The following SLC14A2 variants were observed in gnomAD, a reference collection of about 807,000 sequenced individuals.
SLC14A2 encodes urea transporter 2.
SLC14A2 carries 91 observed loss-of-function variants against 104.6 expected under a neutral mutation model. That is an observed-to-expected ratio of 0.87 (90% CI 0.73 to 1.04). The LOEUF (loss-of-function observed/expected upper bound fraction) is 1.04. Among genes scored for constraint, SLC14A2 ranks in the 50% least tolerant of loss-of-function variants. The pLI is 0.00. For synonymous variants in SLC14A2, 476 were observed against 466.4 expected, an observed-to-expected ratio of 1.02 and a Z score of -0.27; for missense variants, 1,189 against 1,156.0, an observed-to-expected ratio of 1.03 and a Z score of -0.41.
intron 1 of SLC14A2, among the ~76,000 whole-genome samples, chr18:45,265,201 G>T (rs540675161): frequency 6.6e-6 from 1 of 152,146 alleles, no homozygotes; most frequent in Non-Finnish European, 1.5e-5. Context: ...TCAGAGTAAG[G>T]CTATGACAAT....
intron 1 of SLC14A2, among the ~76,000 whole-genome samples, chr18:45,474,263 G>T (rs900462288): frequency 5.3e-5 from 8 of 152,176 alleles, no homozygotes; most frequent in African/African-American, 1.9e-4. Flanking sequence ...TTGATGTGCT[G>T]CTGGATTTGG....
Position 45,644,684 on chromosome 18 carries a change from T to C in SLC14A2, c.1351+524T>C, listed in dbSNP as rs540118155. Among the ~76,000 whole-genome samples the C allele has an allele frequency of 4.6e-5, 7 of 152,090 alleles. No individual in the cohort carries two copies. The East Asian group carries it at 5.8e-4, about 13-fold the overall frequency. On this transcript the variant is annotated intron_variant, in intron 10 of 19. Transcript: ENST00000255226. Reference sequence around the variant, plus strand: ...GATTTTAAAGTCAAAACAGGGACGATTGGGGCAGGGAATTATCTAAATAAG... The same window carrying C: ...GATTTTAAAGTCAAAACAGGGACGACTGGGGCAGGGAATTATCTAAATAAG...
chr18:45,675,700 T>TCTATATATATATCTATATATATATATAG, intron 18 of SLC14A2, among the ~76,000 whole-genome samples: 1 of 64,076 alleles, frequency 1.6e-5, no homozygotes, highest in African/African-American at 5.9e-5. Context: ...TATATATATA[T>TCTATATATATATCTATATATATATATAG]ATATATATAT....
intron 1 of SLC14A2, among the ~76,000 whole-genome samples, chr18:45,385,268 C>T (rs2085882688): frequency 6.6e-6 from 1 of 152,200 alleles, no homozygotes; most frequent in Non-Finnish European, 1.5e-5. Context: ...CTACCAAATT[C>T]CCTGCAGGTT....
chr18:45,490,358 T>C (rs1568237355), intron 2 of SLC14A2, among the ~76,000 whole-genome samples: 1 of 152,160 alleles, frequency 6.6e-6, no homozygotes, highest in Admixed American at 6.5e-5. Flanking sequence ...GGGGAAGGAA[T>C]AGACTGTTTG....
At chr18:45,264,747 T>A (rs924865812) in intron 1 of SLC14A2, among the ~76,000 whole-genome samples, 2 of 152,108 alleles carry the variant, frequency 1.3e-5, no homozygotes, top group Non-Finnish European at 2.9e-5. Context: ...ATGATTCAAT[T>A]ATCTCCCACG....
chr18:45,679,889 G>A (rs1226189233), intron 19 of SLC14A2, among the ~76,000 whole-genome samples: 5 of 152,278 alleles, frequency 3.3e-5, no homozygotes, highest in South Asian at 2.1e-4. Context: ...ACTTGATGTC[G>A]TACAGTTTTG....
chr18:45,277,539 G>T (rs1396158369), intron 1 of SLC14A2, among the ~76,000 whole-genome samples: 2 of 152,108 alleles, frequency 1.3e-5, no homozygotes, highest in African/African-American at 2.4e-5. Flanking sequence ...CTCCTGAGTA[G>T]CTGGTACTAT....
At chr18:45,651,344 C>T (rs1028094269) in intron 10 of SLC14A2, among the ~76,000 whole-genome samples, 3 of 152,092 alleles carry the variant, frequency 2.0e-5, no homozygotes, top group African/African-American at 7.2e-5. Context: ...CATCATCTCA[C>T]AGGGGATGAT....
At chr18:45,226,438 A>C (rs1199103695) in intron 1 of SLC14A2, among the ~76,000 whole-genome samples, 4 of 152,098 alleles carry the variant, frequency 2.6e-5, no homozygotes, top group Non-Finnish European at 5.9e-5. Flanking sequence ...ATCAATGACA[A>C]ATTGGATTAA....
chr18:45,400,565 C>A (rs2086085082), intron 1 of SLC14A2, among the ~76,000 whole-genome samples: 1 of 152,190 alleles, frequency 6.6e-6, no homozygotes, highest in African/African-American at 2.4e-5. Context: ...CCCCTTTGCA[C>A]TTACTAAATA....
intron 2 of SLC14A2, among the ~76,000 whole-genome samples, chr18:45,592,785 G>A (rs1348248937): frequency 6.6e-6 from 1 of 152,224 alleles, no homozygotes; most frequent in Non-Finnish European, 1.5e-5. Context: ...GTCCAGCAGA[G>A]CCAAGCCCAA....
chr18:45,443,585 G>A (rs959570765), intron 1 of SLC14A2, among the ~76,000 whole-genome samples: 1 of 152,070 alleles, frequency 6.6e-6, no homozygotes, highest in Non-Finnish European at 1.5e-5. Context: ...GGGGGTGGGG[G>A]AAGAGTTAGA....
At chr18:45,639,623 G>T (rs1477868174) in intron 6 of SLC14A2, 123 bp from the exon 7 acceptor site, 11 of 876,320 alleles carry the variant, frequency 1.3e-5, no homozygotes, top group Non-Finnish European at 1.8e-5. Flanking sequence ...ACATGCTGGA[G>T]GGTACAGTCA....
At chr18:45,546,389 G>T (rs1027925188) in intron 2 of SLC14A2, among the ~76,000 whole-genome samples, 21 of 152,222 alleles carry the variant, frequency 1.4e-4, no homozygotes, top group African/African-American at 4.8e-4. Context: ...GACACACAGT[G>T]ATGCTGAATT....
intron 1 of SLC14A2, among the ~76,000 whole-genome samples, chr18:45,309,105 A>T (rs1261059058): frequency 6.6e-6 from 1 of 152,164 alleles, no homozygotes; most frequent in Non-Finnish European, 1.5e-5. Context: ...GTTTTTAAGA[A>T]GTTCTGCCTT....
At chr18:45,530,932 G>C (rs1297543134) in intron 2 of SLC14A2, among the ~76,000 whole-genome samples, 1 of 151,928 alleles carries the variant, frequency 6.6e-6, no homozygotes, top group East Asian at 1.9e-4. Context: ...TCCCACCTAT[G>C]AGTGAGAACA....
At chr18:45,421,387 C>T (rs1029091198) in intron 1 of SLC14A2, among the ~76,000 whole-genome samples, 1 of 151,752 alleles carries the variant, frequency 6.6e-6, no homozygotes, top group Admixed American at 6.6e-5. Context: ...TAAATTATAA[C>T]TACAACCAGC....
intron 1 of SLC14A2, among the ~76,000 whole-genome samples, chr18:45,217,761 C>T (rs1247524008): frequency 2.0e-5 from 3 of 151,860 alleles, no homozygotes; most frequent in Non-Finnish European, 4.4e-5. Flanking sequence ...ATGGTTGGTC[C>T]TTCTATATAT....
Sources: allele counts gnomAD v4.1 joint callset (sites outside exome capture counted in the v4.1 genomes callset), GRCh38; gene constraint gnomAD v4.1.1; transcripts MANE v1.5; gene names NCBI Gene and HGNC (gene_info 2026-07-23, HGNC 2026-07-21).